The following LARP1 variants were observed in gnomAD, a reference collection of about 807,000 sequenced individuals.
The protein encoded by LARP1 is La ribonucleoprotein 1, translational regulator.
A neutral mutation model predicts 122.7 loss-of-function variants in LARP1; 36 were observed. The ratio of observed to expected loss-of-function variants is 0.29; its 90% CI spans 0.22 to 0.39. The LOEUF is 0.39. LARP1 is among the 10% of genes least tolerant of loss of function. LARP1 has a pLI of 1.00. For missense variants in LARP1, 1,040 were observed against 1,403.6 expected, an observed-to-expected ratio of 0.74 and a Z score of 4.14; for synonymous variants, 539 against 528.7, an observed-to-expected ratio of 1.02 and a Z score of -0.27.
Position 154,721,489 on chromosome 5 carries a change from C to G in LARP1, c.205+8359C>G, listed in dbSNP as rs925285698. Among the ~76,000 whole-genome samples the G allele has an allele frequency of 2.6e-5, 4 of 152,132 alleles. No homozygotes were observed. The South Asian group carries it at 8.3e-4, about 31-fold the overall frequency. Reference sequence around the variant, plus strand: ...AAGAAGTGAAGGGGTCCTACGTTACCGTTACCATTTGGTGGCAGGTTTGGG... The same window carrying G: ...AAGAAGTGAAGGGGTCCTACGTTACGGTTACCATTTGGTGGCAGGTTTGGG... On this transcript the variant is annotated intron_variant, in intron 1 of 18. Transcript: ENST00000336314.
At chr5:154,699,771 A>G (rs1051066552) in intron 1 of LARP1, among the ~76,000 whole-genome samples, 2 of 152,136 alleles carry the variant, frequency 1.3e-5, no homozygotes, top group Non-Finnish European at 2.9e-5. Context: ...CGAGGTACAA[A>G]TGGGTCTACC....
At chr5:154,757,762 C>A (rs1754093444) in intron 1 of LARP1, among the ~76,000 whole-genome samples, 2 of 150,732 alleles carry the variant, frequency 1.3e-5, no homozygotes, top group South Asian at 4.2e-4. Context: ...ACTAACAGTC[C>A]TTCATACTGT....
chr5:154,797,264 A>G (rs1390929730), intron 8 of LARP1, among the ~76,000 whole-genome samples: 3 of 90,436 alleles, frequency 3.3e-5, no homozygotes, highest in South Asian at 3.3e-4. Context: ...ACAGAGTTTC[A>G]CTCTTGTTGC....
intron 15 of LARP1, among the ~76,000 whole-genome samples, chr5:154,808,224 G>A (rs990855234): frequency 6.6e-6 from 1 of 152,220 alleles, no homozygotes; most frequent in Non-Finnish European, 1.5e-5. Flanking sequence ...GCCTGGTTCA[G>A]AAGCTGCTGC....
intron 1 of LARP1, among the ~76,000 whole-genome samples, chr5:154,771,427 G>C (rs374329613): frequency 6.6e-6 from 1 of 152,196 alleles, no homozygotes; most frequent in Non-Finnish European, 1.5e-5. Flanking sequence ...ACAGGTGCTC[G>C]TAGAGGTTCA....
chr5:154,816,994 TTTTG>T lies in LARP1; in HGVS notation c.*2902_*2905del, dbSNP rs1419881233. On this transcript the variant is annotated 3_prime_UTR_variant, in exon 19 of 19. Coordinates refer to ENST00000518297, the MANE Select transcript of LARP1 (RefSeq NM_033551.3). ...CCCCTGTGTCAAAGTTGTTAAATGT[TTTTG>T]TTTTGTTCCATTGTAGCTCTTTTTT... 6.6e-6 allele frequency: 1 copy of T among 152,036 alleles called. No homozygotes were observed. The highest frequency in any genetic ancestry group is 2.4e-5 in the African/African-American group (1 of 41,380). The allele number at this position is 152,036 out of a possible 1,614,324, so 9.4% of individuals were successfully genotyped here.
chr5:154,746,478 T>G (rs1753205290), intron 1 of LARP1, among the ~76,000 whole-genome samples: 1 of 152,224 alleles, frequency 6.6e-6, no homozygotes, highest in Non-Finnish European at 1.5e-5. Flanking sequence ...AACTGTGTGG[T>G]TTTTGCATTT....
At position 154,803,839 on chromosome 5, in the gene LARP1, A is replaced by T; in HGVS notation, c.2439+94A>T. 5.4e-6 allele frequency: 7 copies of T among 1,295,384 alleles called. No individual in the cohort carries two copies. Among genetic ancestry groups the T allele is most frequent in the Middle Eastern group, 3.8e-4 (2 of 5,256 alleles). The allele number at this position is 1,295,384 out of a possible 1,614,324, so 80.2% of individuals were successfully genotyped here. A position where few individuals can be genotyped will look rare whatever the true frequency, so the allele number is the denominator to read the frequency against. On this transcript the variant is annotated intron_variant, in intron 13 of 18. Coordinates refer to ENST00000518297, the MANE Select transcript of LARP1 (RefSeq NM_033551.3). This position sits in a 1 kb window ranked among gnomAD's most constrained non-coding sequence, Gnocchi z 4.4. ...CTCCCTTGCCTTGTCTGAGCTAAGG[A>T]AGTGCTAAATCCTTCACCTGCTCTG...
intron 1 of LARP1, among the ~76,000 whole-genome samples, chr5:154,732,022 A>G (rs985093926): frequency 1.7e-5 from 1 of 57,146 alleles, no homozygotes; most frequent in Non-Finnish European, 3.5e-5. Flanking sequence ...CTCCGTCTGA[A>G]AAAAAAAAAA....
In LARP1 at chr5:154,795,191, G is replaced by C; in HGVS notation, c.1249G>C (p.Val417Leu). ...TCCACTTAGTGAATACTACTTCAGC[G>C]TGGACAATTTAGAGCGAGACTTCTT... ...IKRQIEYYFS[V>L]DNLERDFFLR... The change falls in exon 8 of 19, where the codon GTG becomes CTG. Residue 417 changes from valine (V) to leucine (L), a missense_variant. By Grantham distance (32) the Val-to-Leu change is conservative. This residue lies in a region of LARP1 where 362 missense variants were observed against 533.1 expected (regional missense o/e 0.68). Transcript: ENST00000518297. 1 of 1,614,034 alleles carries C rather than the reference G, an allele frequency of 6.2e-7. No homozygotes were observed. The highest frequency in any genetic ancestry group is 8.5e-7 in the Non-Finnish European group (1 of 1,179,892).
chr5:154,713,953 G>A (rs926066504), intron 1 of LARP1, among the ~76,000 whole-genome samples: 5 of 152,202 alleles, frequency 3.3e-5, no homozygotes, highest in Admixed American at 3.3e-4. Context: ...AGGGCCTGGA[G>A]GCCAGGAATA....
chr5:154,756,525 AAG>A, intron 1 of LARP1: 2 of 985,158 alleles, frequency 2.0e-6, no homozygotes, highest in African/African-American at 1.7e-5. Flanking sequence ...ATGCTGGTGT[AAG>A]AGACGGTTTC....
rs781038600 is a variant in LARP1, at chr5:154,804,193, C to G, written c.2440-8C>G. The G allele has an allele frequency of 1.9e-6, 3 of 1,611,608 alleles. No individual in the cohort carries two copies. Among genetic ancestry groups the G allele is most frequent in the East Asian group, 2.2e-5 (1 of 44,868 alleles). ...AAACAGTAACAAACCCTGGGCTAAC[C>G]TTTGCAGATGCCTCGAAAAAGAAAG... On this transcript the variant is annotated splice_polypyrimidine_tract_variant and splice_region_variant and intron_variant, in intron 13 of 18. Transcript: ENST00000518297.
At position 154,727,715 on chromosome 5, in the gene LARP1, A is replaced by G. The variant is rs557456739; in HGVS notation, c.205+14585A>G. Among the ~76,000 whole-genome samples the G allele has an allele frequency of 1.6e-3, 250 of 152,344 alleles. 2 individuals are homozygous for G. Among genetic ancestry groups the G allele is most frequent in the Non-Finnish European group, 1.6e-4 (11 of 68,026 alleles). On this transcript the variant is annotated intron_variant, in intron 1 of 18. Coordinates refer to the LARP1 transcript ENST00000336314. The stretch of plus-strand genomic sequence containing the variant: ...GCAAGATTTAATTATTCCACAATGT[A>G]TATATATTTTAAAACATCATGCTGT...
intron 8 of LARP1, among the ~76,000 whole-genome samples, chr5:154,799,382 A>C (rs965713629): frequency 6.6e-6 from 1 of 152,112 alleles, no homozygotes; most frequent in African/African-American, 2.4e-5. Flanking sequence ...AAAGAGTAAA[A>C]GGGTAGGTGT....
At chr5:154,775,312 G>A (rs923764477) in intron 1 of LARP1, among the ~76,000 whole-genome samples, 7 of 152,226 alleles carry the variant, frequency 4.6e-5, no homozygotes, top group African/African-American at 1.7e-4. Flanking sequence ...AAAAACGTAA[G>A]TGAATAAAAA....
rs183351336 is a variant in LARP1 at position 154,731,529 on chromosome 5, C to G, written c.205+18399C>G. Among the ~76,000 whole-genome samples the G allele has an allele frequency of 7.6e-4, 115 of 152,256 alleles. 1 individual carries two copies. Among genetic ancestry groups the G allele is most frequent in the Admixed American group, 2.6e-3 (40 of 15,282 alleles). The stretch of plus-strand genomic sequence containing the variant: ...CTTAGAGAAGGTGCTCTCAAAATGT[C>G]TGATCCTTTCCCTGCAACCATAGAC... On this transcript the variant is annotated intron_variant, in intron 1 of 18. Transcript: ENST00000336314.
intron 1 of LARP1, among the ~76,000 whole-genome samples, chr5:154,702,557 CAA>C (rs764120906): frequency 1.6e-5 from 2 of 125,808 alleles, no homozygotes; most frequent in African/African-American, 2.9e-5. Flanking sequence ...ACTCCATCTC[CAA>C]AAAAAAAAAA....
At chr5:154,737,279 G>A (rs571323867) in intron 1 of LARP1, among the ~76,000 whole-genome samples, 45 of 151,544 alleles carry the variant, frequency 3.0e-4, no homozygotes, top group Non-Finnish European at 5.3e-4. Flanking sequence ...GACCTCAAGT[G>A]ATCTGCTTGC....
Sources: allele counts gnomAD v4.1 joint callset (sites outside exome capture counted in the v4.1 genomes callset), GRCh38; gene constraint gnomAD v4.1.1; regional missense constraint gnomAD v4.1.1; non-coding constraint Gnocchi (gnomAD v3.1); transcripts MANE v1.5; gene names NCBI Gene and HGNC (gene_info 2026-07-23, HGNC 2026-07-21).